The following ANK2 variants were observed in gnomAD, a reference collection of about 807,000 sequenced individuals.
ANK2 encodes ankyrin-2.
In ANK2, 83 loss-of-function variants were observed where a neutral mutation model predicts 360.5. That is an observed-to-expected ratio of 0.23 (90% CI 0.19 to 0.28). The LOEUF is 0.28. Among genes scored for constraint, ANK2 ranks in the 10% least tolerant of loss-of-function variants. ANK2 has a pLI of 1.00. For missense variants in ANK2, 4,201 were observed against 4,795.7 expected, an observed-to-expected ratio of 0.88 and a Z score of 3.66; for synonymous variants, 1,740 against 1,759.5, an observed-to-expected ratio of 0.99 and a Z score of 0.28.
chr4:112,788,350 C>G, the ANK2 span: 6 of 1,547,838 alleles, frequency 3.9e-6, no homozygotes, highest in Non-Finnish European at 5.3e-6. Context: ...ACTAAGGGAC[C>G]ACCATTTTAC....
At chr4:113,036,338 A>G (rs2061599586) in intron 2 of ANK2, among the ~76,000 whole-genome samples, 1 of 151,920 alleles carries the variant, frequency 6.6e-6, no homozygotes, top group Non-Finnish European at 1.5e-5. Flanking sequence ...TATCTAGGAG[A>G]AAAATTAGAA....
chr4:113,369,483 C>T (rs2096653638), intron 42 of ANK2, 31 bp from the exon 43 acceptor site: 1 of 1,610,112 alleles, frequency 6.2e-7, no homozygotes, highest in African/African-American at 1.3e-5. Flanking sequence ...TGCAAATGTC[C>T]CTGAAGTCTC....
chr4:113,237,777 AT>A (rs1307892949), intron 7 of ANK2, among the ~76,000 whole-genome samples, 155 bp downstream of exon 7: 1 of 152,238 alleles, frequency 6.6e-6, no homozygotes, highest in Non-Finnish European at 1.5e-5. Context: ...CAAACTGATA[AT>A]TCAAAGATAT....
chr4:113,376,607 TTTAGC>T (rs2096943491), intron 45 of ANK2, among the ~76,000 whole-genome samples: 1 of 152,276 alleles, frequency 6.6e-6, no homozygotes, highest in East Asian at 1.9e-4. Flanking sequence ...ATAAATTAAC[TTTAGC>T]TTACTGTAAC....
chr4:113,367,260 G>C (rs1286926214), intron 41 of ANK2, among the ~76,000 whole-genome samples: 1 of 152,090 alleles, frequency 6.6e-6, no homozygotes, highest in African/African-American at 2.4e-5. Flanking sequence ...TCCTTGGCAT[G>C]TAACACACTC....
intron 2 of ANK2, among the ~76,000 whole-genome samples, chr4:112,965,442 C>T (rs1324949725): frequency 2.0e-5 from 3 of 151,910 alleles, no homozygotes; most frequent in Non-Finnish European, 4.4e-5. Flanking sequence ...ATATTTTCTC[C>T]CGTCCTGTGG....
At chr4:112,949,251 A>G (rs1423366173) in intron 2 of ANK2, among the ~76,000 whole-genome samples, 5 of 152,172 alleles carry the variant, frequency 3.3e-5, no homozygotes, top group Non-Finnish European at 7.3e-5. Flanking sequence ...AAAGTGGTTC[A>G]CTTGGTCCCT....
intron 1 of ANK2, among the ~76,000 whole-genome samples, chr4:113,103,037 C>T (rs1333279612): frequency 1.3e-5 from 2 of 152,080 alleles, no homozygotes; most frequent in Admixed American, 1.3e-4. Context: ...GCTTTTCCTC[C>T]TTGTATTTGC....
intron 4 of ANK2, chr4:113,216,912 GC>G (rs2099091468): frequency 6.6e-6 from 1 of 151,866 alleles, no homozygotes; most frequent in Admixed American, 6.6e-5. Context: ...TAAAGGAAAG[GC>G]TTGCTATAGA....
At chr4:112,890,184 A>G (rs1383493795) in intron 1 of ANK2, among the ~76,000 whole-genome samples, 1 of 152,182 alleles carries the variant, frequency 6.6e-6, no homozygotes, top group Non-Finnish European at 1.5e-5. Flanking sequence ...GTACGAACAT[A>G]ACATTTCTTG....
intron 1 of ANK2, among the ~76,000 whole-genome samples, chr4:113,143,710 C>T (rs116424132): frequency 0.017 from 2,622 of 152,202 alleles, 76 homozygotes; most frequent in African/African-American, 0.058. Flanking sequence ...TATTATAAGA[C>T]TTTGTGGACC....
chr4:112,726,272 G>T, the ANK2 span, among the ~76,000 whole-genome samples: 2 of 152,162 alleles, frequency 1.3e-5, no homozygotes, highest in African/African-American at 4.8e-5. Context: ...ATCATGTTTC[G>T]AGTTATGCCT....
intron 1 of ANK2, among the ~76,000 whole-genome samples, chr4:113,056,837 T>C (rs917779313): frequency 7.9e-5 from 12 of 152,168 alleles, no homozygotes; most frequent in African/African-American, 2.7e-4. Flanking sequence ...TTCTTAGTCA[T>C]GAGACCTGGT....
chr4:113,170,936 C>T (rs1228714731), intron 1 of ANK2, among the ~76,000 whole-genome samples: 2 of 152,156 alleles, frequency 1.3e-5, no homozygotes, highest in Admixed American at 1.3e-4. Context: ...CAGAGTTTGA[C>T]TATGGGCATC....
rs775839990 is a variant in ANK2, at chr4:113,293,430, C to T, written c.2377-10C>T. On this transcript the variant is annotated splice_polypyrimidine_tract_variant and intron_variant, in intron 21 of 45. Transcript: ENST00000357077. ...TATTTCTCACTCTCTCTCTTTCACT[C>T]TCTCTTCAGAATGGCAACACTGCCT... is the stretch of plus-strand genomic sequence containing the variant. 2 of 1,610,296 alleles carry T rather than the reference C, an allele frequency of 1.2e-6. No individual in the cohort carries two copies. Among genetic ancestry groups the T allele is most frequent in the Non-Finnish European group, 1.7e-6 (2 of 1,177,438 alleles).
intron 1 of ANK2, among the ~76,000 whole-genome samples, chr4:112,872,207 T>C (rs770013186): frequency 6.6e-6 from 1 of 152,080 alleles, no homozygotes; most frequent in Non-Finnish European, 1.5e-5. Flanking sequence ...TTTAAATTTC[T>C]TTTGTAGAGA....
chr4:113,248,726 G>A (rs958651804), intron 9 of ANK2, among the ~76,000 whole-genome samples: 1 of 152,118 alleles, frequency 6.6e-6, no homozygotes, highest in Non-Finnish European at 1.5e-5. Flanking sequence ...AGACACAAAC[G>A]AGAGGCCATT....
intron 1 of ANK2, among the ~76,000 whole-genome samples, chr4:113,164,189 T>G (rs186929251): frequency 8.5e-4 from 130 of 152,262 alleles, no homozygotes; most frequent in African/African-American, 2.9e-3. Context: ...TTTAGGCAAG[T>G]AGAGTCAGAT....
chr4:113,251,361 T>A (rs2046251237), intron 10 of ANK2, among the ~76,000 whole-genome samples: 3 of 152,000 alleles, frequency 2.0e-5, no homozygotes, highest in African/African-American at 7.2e-5. Context: ...TCTCTGAGTG[T>A]ACAATTATGT....
Sources: gnomAD v4.1 joint callset for allele counts (sites outside exome capture counted in the v4.1 genomes callset) on GRCh38, gnomAD v4.1.1 for gene constraint, MANE v1.5 for transcripts, NCBI Gene and HGNC (gene_info 2026-07-23, HGNC 2026-07-21) for gene names.